The following IP6K1 variants were observed in gnomAD, a reference collection of about 807,000 sequenced individuals.
The protein encoded by IP6K1 is inositol hexakisphosphate kinase 1.
Under a neutral mutation model 38.3 loss-of-function variants are expected in IP6K1, and 13 were observed. The observed-to-expected ratio is 0.34, with a 90% CI of 0.22 to 0.54. The LOEUF is 0.54. IP6K1 is among the 20% of genes least tolerant of loss of function. The pLI is 0.92. For synonymous variants in IP6K1, 212 were observed against 229.9 expected (o/e 0.92, Z 0.70); for missense variants, 397 against 599.8 (o/e 0.66, Z 3.53).
intron 2 of IP6K1, among the ~76,000 whole-genome samples, chr3:49,744,523 T>C (rs916204070): frequency 2.0e-5 from 3 of 151,886 alleles, no homozygotes; most frequent in Non-Finnish European, 4.4e-5. Context: ...TTCTTCTAGA[T>C]TGGGCCCTTC....
intron 1 of IP6K1, among the ~76,000 whole-genome samples, chr3:49,758,188 T>C (rs989337909): frequency 2.0e-5 from 3 of 151,438 alleles, no homozygotes; most frequent in African/African-American, 4.9e-5. Context: ...CGGGCGCCTG[T>C]AGTCAGTCCC....
chr3:49,746,576 A>G (rs925070484), intron 2 of IP6K1, among the ~76,000 whole-genome samples: 2 of 148,138 alleles, frequency 1.4e-5, no homozygotes, highest in Non-Finnish European at 3.0e-5. Context: ...AGGCTGAGGC[A>G]GGAGAATCGC....
At chr3:49,739,544 C>A (rs956587294) in intron 2 of IP6K1, among the ~76,000 whole-genome samples, 1 of 151,522 alleles carries the variant, frequency 6.6e-6, no homozygotes, top group African/African-American at 2.4e-5. Flanking sequence ...TTAGTAGAGA[C>A]GGGGTTTCAC....
intron 1 of IP6K1, among the ~76,000 whole-genome samples, chr3:49,765,804 A>C (rs547250921): frequency 1.3e-5 from 2 of 152,184 alleles, no homozygotes; most frequent in East Asian, 3.9e-4. Context: ...GCACTTTGGA[A>C]GGCTAGGGCA....
intron 4 of IP6K1, chr3:49,728,536 ATCACAACCATCTATCTCTAC>A (rs1182955754): frequency 6.3e-6 from 3 of 473,928 alleles, no homozygotes; most frequent in East Asian, 3.5e-5. Context: ...TTGTATAACC[ATCACAACCATCTATCTCTAC>A]TCACAACCAT....
At chr3:49,769,148 C>T (rs1237845526) in intron 1 of IP6K1, among the ~76,000 whole-genome samples, 1 of 152,084 alleles carries the variant, frequency 6.6e-6, no homozygotes, top group Non-Finnish European at 1.5e-5. Context: ...CCTCACACAG[C>T]ACATGGATTA....
intron 1 of IP6K1, among the ~76,000 whole-genome samples, chr3:49,764,424 T>C (rs951011981): frequency 1.2e-4 from 18 of 152,116 alleles, no homozygotes; most frequent in African/African-American, 4.1e-4. Flanking sequence ...AAACAAATTA[T>C]ATATTGATTG....
intron 1 of IP6K1, among the ~76,000 whole-genome samples, chr3:49,770,349 C>T (rs2080946261): frequency 6.6e-6 from 1 of 152,110 alleles, no homozygotes; most frequent in South Asian, 2.1e-4. Flanking sequence ...AAACACCAGC[C>T]CCAATCTCAC....
intron 2 of IP6K1, among the ~76,000 whole-genome samples, chr3:49,743,617 T>G (rs1180207929): frequency 7.2e-6 from 1 of 138,974 alleles, no homozygotes; most frequent in African/African-American, 2.5e-5. Context: ...TTTTTTTTTT[T>G]TGTTTTTTTT....
chr3:49,725,552 T>G lies in IP6K1; in HGVS notation c.*1570A>C, dbSNP rs1460479531. 1 of 152,686 alleles carries G rather than the reference T, an allele frequency of 6.5e-6. No individual in the cohort carries two copies. Among genetic ancestry groups the G allele is most frequent in the East Asian group, 1.9e-4 (1 of 5,208 alleles). The allele number at this position is 152,686 out of a possible 1,614,324, so 9.5% of individuals were successfully genotyped here. A position where few individuals can be genotyped will look rare whatever the true frequency, so the allele number is the denominator to read the frequency against. On this transcript the variant is annotated 3_prime_UTR_variant, in exon 6 of 6. Coordinates refer to ENST00000321599, the MANE Select transcript of IP6K1 (RefSeq NM_153273.4). The stretch of plus-strand genomic sequence containing the variant: ...AAATGAGTCCATCAGTTACCAAGGC[T>G]TCTCACAGCTGGCAGGCTTACCTTT...
Position 49,725,501 on chromosome 3 carries a change from A to G in IP6K1, c.*1621T>C, listed in dbSNP as rs1228619219. On this transcript the variant is annotated 3_prime_UTR_variant, in exon 6 of 6. Transcript: ENST00000321599. ...AGATGGCATCCATCAAGGAGCCCTT[A>G]AGAGGCTGCATCTTTAAGGACCAGG... is the stretch of plus-strand genomic sequence containing the variant. The G allele has an allele frequency of 6.6e-6, 1 of 152,484 alleles. No homozygotes were observed. Among genetic ancestry groups the G allele is most frequent in the East Asian group, 1.9e-4 (1 of 5,198 alleles). 9.4% of individuals were successfully genotyped at this position (152,484 alleles called of 1,614,324 possible). A position where few individuals can be genotyped will look rare whatever the true frequency, so the allele number is the denominator to read the frequency against.
At chr3:49,743,966 C>A (rs2080697786) in intron 2 of IP6K1, among the ~76,000 whole-genome samples, 1 of 151,988 alleles carries the variant, frequency 6.6e-6, no homozygotes, top group Non-Finnish European at 1.5e-5. Flanking sequence ...CACCACTGCA[C>A]AATGCGCCAC....
intron 3 of IP6K1, among the ~76,000 whole-genome samples, chr3:49,735,107 C>T (rs1013857790): frequency 1.4e-4 from 21 of 152,190 alleles, no homozygotes; most frequent in Non-Finnish European, 2.9e-4. Context: ...ATAATCCTTA[C>T]GCTTTGGGAG....
chr3:49,731,887 CAAA>C (rs71080545), intron 4 of IP6K1, among the ~76,000 whole-genome samples: 11 of 65,334 alleles, frequency 1.7e-4, no homozygotes, highest in Non-Finnish European at 1.8e-4. Context: ...GACTCTGTCT[CAAA>C]AAAAAAAAAA....
chr3:49,766,655 C>A (rs1402053160), intron 1 of IP6K1, among the ~76,000 whole-genome samples: 1 of 144,022 alleles, frequency 6.9e-6, no homozygotes, highest in Non-Finnish European at 1.5e-5. Flanking sequence ...CAGAACGAGA[C>A]CTCATCTTAA....
chr3:49,756,391 A>G (rs548255201), intron 1 of IP6K1, among the ~76,000 whole-genome samples: 11 of 152,268 alleles, frequency 7.2e-5, no homozygotes, highest in Non-Finnish European at 1.6e-4. Context: ...CCCTAAATAC[A>G]TTTTTTAGTA....
At chr3:49,742,459 G>A (rs2080677821) in intron 2 of IP6K1, among the ~76,000 whole-genome samples, 1 of 152,156 alleles carries the variant, frequency 6.6e-6, no homozygotes, top group African/African-American at 2.4e-5. Flanking sequence ...TGAGGCAGGA[G>A]AATGGCGTGA....
rs150409463 is a variant in IP6K1, at chr3:49,729,890, C to G, written c.617-1612G>C. ...AGGACTACAGGCATGCCTAATTTTT[C>G]TTTTAATTATTATTTTTTTTGAGAC... On this transcript the variant is annotated intron_variant, in intron 4 of 5. Coordinates refer to ENST00000321599, the MANE Select transcript of IP6K1 (RefSeq NM_153273.4). 4.3e-3 allele frequency among the ~76,000 whole-genome samples: 649 copies of G among 151,916 alleles called. 5 individuals are homozygous for G. The highest frequency in any genetic ancestry group is 0.017 in the Middle Eastern group (5 of 294).
At chr3:49,757,890 T>C (rs2080838312) in intron 1 of IP6K1, among the ~76,000 whole-genome samples, 1 of 152,124 alleles carries the variant, frequency 6.6e-6, no homozygotes, top group South Asian at 2.1e-4. Context: ...ATGTGTCCTA[T>C]TATTAAAAAA....
Sources: allele counts gnomAD v4.1 joint callset (sites outside exome capture counted in the v4.1 genomes callset), GRCh38; gene constraint gnomAD v4.1.1; transcripts MANE v1.5; gene names NCBI Gene and HGNC (gene_info 2026-07-23, HGNC 2026-07-21).